ARID5A: variants seen among roughly 807,000 people sequenced by gnomAD.
ARID5A encodes the protein AT-rich interaction domain 5A.
Under a neutral mutation model 30.5 loss-of-function variants are expected in ARID5A, and 14 were observed. The ratio of observed to expected loss-of-function variants is 0.46; its 90% CI spans 0.30 to 0.72. The LOEUF (loss-of-function observed/expected upper bound fraction) is 0.72. Among genes scored for constraint, ARID5A ranks in the 30% least tolerant of loss-of-function variants. The pLI is 0.07. For missense variants in ARID5A, 669 were observed against 786.2 expected (o/e 0.85, Z 1.78); for synonymous variants, 338 against 340.4 (o/e 0.99, Z 0.08).
At chr2:96,546,629 A>G (rs1408895162) in intron 1 of ARID5A, among the ~76,000 whole-genome samples, 2 of 152,246 alleles carry the variant, frequency 1.3e-5, no homozygotes, top group Non-Finnish European at 2.9e-5. Context: ...AGGGCGAGGG[A>G]GGAGCTGCCC....
chr2:96,549,493 C>A lies in ARID5A; in HGVS notation c.259+34C>A. The A allele has an allele frequency of 6.2e-7, 1 of 1,601,622 alleles. No individual in the cohort carries two copies. Among genetic ancestry groups the A allele is most frequent in the South Asian group, 1.1e-5 (1 of 90,740 alleles). On this transcript the variant is annotated intron_variant, in intron 3 of 6. Transcript: ENST00000357485. The surrounding 1 kb of genome is among the most constrained non-coding windows in gnomAD (Gnocchi z 6.1). ...CTGGGGTGCAGGCAGGGAGGGGGGC[C>A]CAGCAGGGGACCCCGCCCAGGCAGG...
chr2:96,539,196 C>T lies in ARID5A; in HGVS notation c.4+2366C>T, dbSNP rs1558612335. Reference sequence around the variant, plus strand: ...CATTGGGCACATTGAGTCTAGCACGCCCATCTTGTAGATGGGGAAAGGGAG... The same window carrying T: ...CATTGGGCACATTGAGTCTAGCACGTCCATCTTGTAGATGGGGAAAGGGAG... On this transcript the variant is annotated intron_variant, in intron 1 of 6. Coordinates refer to ENST00000357485, the MANE Select transcript of ARID5A (RefSeq NM_212481.3). This position sits in a 1 kb window ranked among gnomAD's most constrained non-coding sequence, Gnocchi z 4.7. Among the ~76,000 whole-genome samples, 2 of 152,174 alleles carry T rather than the reference C, an allele frequency of 1.3e-5. No homozygotes were observed. The highest frequency in any genetic ancestry group is 2.9e-5 in the Non-Finnish European group (2 of 68,030).
At chr2:96,545,156 CTTTTTT>C (rs35156624) in intron 1 of ARID5A, among the ~76,000 whole-genome samples, 67 of 116,334 alleles carry the variant, frequency 5.8e-4, no homozygotes, top group African/African-American at 1.6e-3. Flanking sequence ...TTTTCTTTTT[CTTTTTT>C]TTTTTTTTTT....
In ARID5A at chr2:96,550,020, G is replaced by A. The variant is rs1381741084; in HGVS notation, c.313-168G>A. On this transcript the variant is annotated intron_variant, in intron 4 of 6. Coordinates refer to ENST00000357485, the MANE Select transcript of ARID5A (RefSeq NM_212481.3). This position sits in a 1 kb window ranked among gnomAD's most constrained non-coding sequence, Gnocchi z 6.6. ...CGCCCCGTGTTGGGAAAACTGCTTGGGCCAGCAGTCCATGGCCCTAGGAGA... is the reference window on the plus strand; with the variant it reads ...CGCCCCGTGTTGGGAAAACTGCTTGAGCCAGCAGTCCATGGCCCTAGGAGA... The A allele has an allele frequency of 7.8e-6, 12 of 1,533,818 alleles. No individual in the cohort carries two copies. The highest frequency in any genetic ancestry group is 1.0e-5 in the Non-Finnish European group (12 of 1,146,480).
chr2:96,550,644 A>G lies in ARID5A; in HGVS notation c.481A>G (p.Lys161Glu). Residue 161 changes from lysine to glutamate, a missense_variant, in exon 6 of 7, where the codon AAA becomes GAA. By Grantham distance (56) the Lys-to-Glu change is moderately conservative. Coordinates refer to ENST00000357485, the MANE Select transcript of ARID5A (RefSeq NM_212481.3). The surrounding 1 kb of genome is among the most constrained non-coding windows in gnomAD (Gnocchi z 6.6). ...DKPLPTSKPR[K>E]QYKMAKENRG... ...GCCGCTGCCCACCTCCAAGCCCAGGAAACAGTACAAGATGGCTAAGGAGAA... is the reference window on the plus strand; with the variant it reads ...GCCGCTGCCCACCTCCAAGCCCAGGGAACAGTACAAGATGGCTAAGGAGAA... 1.2e-6 allele frequency: 2 copies of G among 1,607,804 alleles called. No individual in the cohort carries two copies. Among genetic ancestry groups the G allele is most frequent in the Non-Finnish European group, 1.7e-6 (2 of 1,177,722 alleles).
intron 1 of ARID5A, among the ~76,000 whole-genome samples, chr2:96,542,960 A>G (rs1189138326): frequency 6.6e-6 from 1 of 152,184 alleles, no homozygotes; most frequent in East Asian, 1.9e-4. Flanking sequence ...CTCCCATTTC[A>G]TAGCAGGGAA....
chr2:96,548,664 G>A lies in ARID5A; in HGVS notation c.121-657G>A, dbSNP rs139822700. 5.3e-5 allele frequency among the ~76,000 whole-genome samples: 8 copies of A among 152,308 alleles called. 1 individual carries two copies. The highest frequency in any genetic ancestry group is 1.9e-4 in the African/African-American group (8 of 41,568). On this transcript the variant is annotated intron_variant, in intron 2 of 6. Coordinates refer to ENST00000357485, the MANE Select transcript of ARID5A (RefSeq NM_212481.3). ...TGTCTGTTCTCTGAGCAGGGTATGGGCCCTAGGCTCTCTGCCCCGAGCCAC... is the reference window on the plus strand; with the variant it reads ...TGTCTGTTCTCTGAGCAGGGTATGGACCCTAGGCTCTCTGCCCCGAGCCAC...
chr2:96,550,297 C>A lies in ARID5A; in HGVS notation c.410+12C>A. The A allele has an allele frequency of 7.0e-7, 1 of 1,436,796 alleles. No homozygotes were observed. 89.0% of individuals were successfully genotyped at this position (1,436,796 alleles called of 1,614,324 possible). A position where few individuals can be genotyped will look rare whatever the true frequency, so the allele number is the denominator to read the frequency against. On this transcript the variant is annotated intron_variant, in intron 5 of 6. Transcript: ENST00000357485. The surrounding 1 kb of genome is among the most constrained non-coding windows in gnomAD (Gnocchi z 6.6). Reference sequence around the variant, plus strand: ...CGCCACTACGAGAGGTACGGCGGGGCGGGCCCGGGTGCTGGACGCCGCCTA... The same window carrying A: ...CGCCACTACGAGAGGTACGGCGGGGAGGGCCCGGGTGCTGGACGCCGCCTA...
chr2:96,551,266 C>T lies in ARID5A; in HGVS notation c.738C>T (p.Phe246=), dbSNP rs772237464. The change falls in exon 7 of 7, where the codon TTC becomes TTT. Residue 246 remains phenylalanine, a synonymous_variant. Coordinates refer to ENST00000357485, the MANE Select transcript of ARID5A (RefSeq NM_212481.3). ...PEAYKRLLSS[F]YCKGTHGIMS... is the part of the protein sequence containing the mutation. ...CCTACAAGCGGCTCCTATCCAGCTT[C>T]TACTGCAAGGGGACACACGGCATCA... is the stretch of plus-strand genomic sequence containing the variant. The T allele has an allele frequency of 3.7e-6, 6 of 1,613,988 alleles. No individual in the cohort carries two copies. The highest frequency in any genetic ancestry group is 5.1e-6 in the Non-Finnish European group (6 of 1,180,030).
chr2:96,542,560 GCT>G (rs2065864070), intron 1 of ARID5A, among the ~76,000 whole-genome samples: 1 of 152,112 alleles, frequency 6.6e-6, no homozygotes, highest in African/African-American at 2.4e-5. Context: ...TCACAACCTG[GCT>G]GCCCACTGGG....
intron 1 of ARID5A, 58 bp from the exon 2 acceptor site, chr2:96,547,344 C>T (rs912721744): frequency 1.4e-6 from 2 of 1,435,810 alleles, no homozygotes; most frequent in African/African-American, 1.4e-5. Context: ...TCCCTGCTTG[C>T]ATCTCATATG....
rs1265930944 is a variant in ARID5A, at chr2:96,550,227, C to G, written c.352C>G (p.Leu118Val). ...RRLWKNVYDE[L>V]GGSPGSTSAA... The stretch of plus-strand genomic sequence containing the variant: ...CCTCTGGAAGAACGTGTACGACGAG[C>G]TGGGGGGCAGCCCAGGCAGCACCAG... Residue 118 changes from leucine (L) to valine (V), a missense_variant, in exon 5 of 7, where the codon CTG (leucine) becomes GTG (valine). Transcript: ENST00000357485. The surrounding 1 kb of genome is among the most constrained non-coding windows in gnomAD (Gnocchi z 6.6). The G allele has an allele frequency of 6.5e-7, 1 of 1,532,520 alleles. No individual in the cohort carries two copies. Among genetic ancestry groups the G allele is most frequent in the Non-Finnish European group, 8.8e-7 (1 of 1,141,548 alleles). 94.9% of individuals were successfully genotyped at this position (1,532,520 alleles called of 1,614,324 possible).
Position 96,550,065 on chromosome 2 carries a change from C to G in ARID5A, c.313-123C>G. On this transcript the variant is annotated intron_variant, in intron 4 of 6. Transcript: ENST00000357485. The surrounding 1 kb of genome is among the most constrained non-coding windows in gnomAD (Gnocchi z 6.6). ...AGGAGAGAGAATCGGCTGGCCGCTG[C>G]TGGAGCCGCAGAGCAGCTGCCAAAC... The G allele has an allele frequency of 6.5e-7, 1 of 1,532,484 alleles. No homozygotes were observed. Among genetic ancestry groups the G allele is most frequent in the Non-Finnish European group, 8.7e-7 (1 of 1,145,740 alleles). 94.9% of individuals were successfully genotyped at this position (1,532,484 alleles called of 1,614,324 possible).
In ARID5A at chr2:96,552,541, G is replaced by C; in HGVS notation, c.*228G>C. On this transcript the variant is annotated 3_prime_UTR_variant, in exon 7 of 7. Coordinates refer to ENST00000357485, the MANE Select transcript of ARID5A (RefSeq NM_212481.3). ...GGACCCAGTTGTTATAAGGCGCTGGGAGAGGATGGGCAGCTCCCACTGCCC... is the reference window on the plus strand; with the variant it reads ...GGACCCAGTTGTTATAAGGCGCTGGCAGAGGATGGGCAGCTCCCACTGCCC... The C allele has an allele frequency of 6.5e-7, 1 of 1,529,568 alleles. No homozygotes were observed. The highest frequency in any genetic ancestry group is 8.7e-7 in the Non-Finnish European group (1 of 1,143,202). 94.7% of individuals were successfully genotyped at this position (1,529,568 alleles called of 1,614,324 possible).
In ARID5A at chr2:96,536,797, G is replaced by T. The variant is rs1344402824; in HGVS notation, c.-30G>T. On this transcript the variant is annotated 5_prime_UTR_variant, in exon 1 of 7. Coordinates refer to ENST00000357485, the MANE Select transcript of ARID5A (RefSeq NM_212481.3). ...CGGACAGCCGCGCGCTGAGGGTCTC[G>T]GGGCGGGCGCCGCGGGACCTCTCCG... is the stretch of plus-strand genomic sequence containing the variant. The T allele has an allele frequency of 8.1e-7, 1 of 1,226,996 alleles. No homozygotes were observed. The highest frequency in any genetic ancestry group is 1.0e-6 in the Non-Finnish European group (1 of 984,794). The allele number at this position is 1,226,996 out of a possible 1,614,324, so 76.0% of individuals were successfully genotyped here.
Position 96,550,372 on chromosome 2 carries a change from C to T in ARID5A, c.410+87C>T. On this transcript the variant is annotated intron_variant, in intron 5 of 6. Transcript: ENST00000357485. The surrounding 1 kb of genome is among the most constrained non-coding windows in gnomAD (Gnocchi z 6.6). ...GCCGGGAGGGCCGGGTGGACTCTGC[C>T]CGGAGCGGGCAGGGTATGCGCCGTC... 1 of 1,428,420 alleles carries T rather than the reference C, an allele frequency of 7.0e-7. No individual in the cohort carries two copies. The highest frequency in any genetic ancestry group is 9.1e-7 in the Non-Finnish European group (1 of 1,097,480). 88.5% of individuals were successfully genotyped at this position (1,428,420 alleles called of 1,614,324 possible).
chr2:96,550,565 C>A lies in ARID5A; in HGVS notation c.411-9C>A. 1.3e-6 allele frequency: 2 copies of A among 1,591,714 alleles called. No homozygotes were observed. Among genetic ancestry groups the A allele is most frequent in the East Asian group, 4.6e-5 (2 of 43,760 alleles). ...GGCCTCCTGGGGGACATGCGTGGTT[C>A]CTCACCAGGCTGGTCCTGCCATACG... On this transcript the variant is annotated splice_polypyrimidine_tract_variant and intron_variant, in intron 5 of 6. Transcript: ENST00000357485. This position sits in a 1 kb window ranked among gnomAD's most constrained non-coding sequence, Gnocchi z 6.6.
rs776700998 is a variant in ARID5A, at chr2:96,549,508, G to A, written c.259+49G>A. On this transcript the variant is annotated intron_variant, in intron 3 of 6. Transcript: ENST00000357485. This position sits in a 1 kb window ranked among gnomAD's most constrained non-coding sequence, Gnocchi z 6.1. ...GGAGGGGGGCCCAGCAGGGGACCCC[G>A]CCCAGGCAGGGCATCGGGCAGGCAC... The A allele has an allele frequency of 3.2e-5, 51 of 1,593,502 alleles. 1 individual carries two copies. The East Asian group carries it at 6.3e-4, about 20-fold the overall frequency.
chr2:96,552,637 T>G, downstream of ARID5A: 1 of 1,369,956 alleles, frequency 7.3e-7, no homozygotes, highest in Non-Finnish European at 9.5e-7. Context: ...TGAATCCACG[T>G]AGCCCTGAGG....
Sources: allele counts gnomAD v4.1 joint callset (sites outside exome capture counted in the v4.1 genomes callset), GRCh38; gene constraint gnomAD v4.1.1; non-coding constraint Gnocchi (gnomAD v3.1); transcripts MANE v1.5; gene names NCBI Gene and HGNC (gene_info 2026-07-23, HGNC 2026-07-21).